SHROOM3: variants seen among roughly 807,000 people sequenced by gnomAD.
The protein encoded by SHROOM3 is protein Shroom3.
Under a neutral mutation model 138.6 loss-of-function variants are expected in SHROOM3, and 47 were observed. The observed-to-expected ratio is 0.34, with a 90% CI of 0.27 to 0.43. The LOEUF (loss-of-function observed/expected upper bound fraction) is 0.43. Among genes scored for constraint, SHROOM3 ranks in the 20% least tolerant of loss-of-function variants. The pLI, the probability that SHROOM3 is intolerant of heterozygous loss-of-function variation, is 1.00. For missense variants in SHROOM3, 2,491 were observed against 2,596.5 expected (o/e 0.96, Z 0.88); for synonymous variants, 1,062 against 1,063.3 (o/e 1.00, Z 0.02).
chr4:76,584,642 G>A (rs1167094635), intron 2 of SHROOM3, among the ~76,000 whole-genome samples: 3 of 152,160 alleles, frequency 2.0e-5, no homozygotes, highest in East Asian at 1.9e-4. Flanking sequence ...TCGTCATTCC[G>A]CATAGTGGAG....
rs188453406 is a variant in SHROOM3 at position 76,607,141 on chromosome 4, T to C, written c.323+51378T>C. 2.4e-3 allele frequency among the ~76,000 whole-genome samples: 370 copies of C among 152,332 alleles called. 2 individuals carry two copies. Among genetic ancestry groups the C allele is most frequent in the African/African-American group, 8.2e-3 (341 of 41,568 alleles). On this transcript the variant is annotated intron_variant, in intron 2 of 10. Coordinates refer to ENST00000296043, the MANE Select transcript of SHROOM3 (RefSeq NM_020859.4). ...ATACTCATCATTTCCTCCAGTTTTATTGACTAAAAGCATCAGTTGCAACAT... is the reference window on the plus strand; with the variant it reads ...ATACTCATCATTTCCTCCAGTTTTACTGACTAAAAGCATCAGTTGCAACAT...
At chr4:76,617,129 A>T (rs1327020831) in intron 2 of SHROOM3, among the ~76,000 whole-genome samples, 1 of 152,224 alleles carries the variant, frequency 6.6e-6, no homozygotes, top group Non-Finnish European at 1.5e-5. Context: ...CCAGGGCCAG[A>T]ATCCTGGGTT....
At chr4:76,546,126 AG>A (rs112177687) in intron 1 of SHROOM3, among the ~76,000 whole-genome samples, 7,784 of 152,312 alleles carry the variant, frequency 0.051, 688 homozygotes, top group African/African-American at 0.18. Context: ...TTCACTTGTC[AG>A]GGTGGTCTTA....
chr4:76,636,090 C>A (rs891679352), intron 2 of SHROOM3, among the ~76,000 whole-genome samples: 3 of 152,214 alleles, frequency 2.0e-5, no homozygotes, highest in African/African-American at 7.2e-5. Flanking sequence ...TGCTTCTTCA[C>A]GTCTGAGTAC....
intron 1 of SHROOM3, among the ~76,000 whole-genome samples, chr4:76,462,695 TCTCTCCCTCTCC>T (rs1161059508): frequency 1.3e-5 from 2 of 148,276 alleles, no homozygotes; most frequent in East Asian, 2.0e-4. Flanking sequence ...TCTCCCTCTC[TCTCTCCCTCTCC>T]CTCTCCCTCT....
rs766823574 is a variant in SHROOM3 at position 76,740,131 on chromosome 4, G to A, written c.1958G>A (p.Gly653Asp). The A allele has an allele frequency of 6.2e-7, 1 of 1,613,826 alleles. No homozygotes were observed. Among genetic ancestry groups the A allele is most frequent in the South Asian group, 1.1e-5 (1 of 91,090 alleles). Residue 653 changes from glycine to aspartate, a missense_variant, in exon 5 of 11, where the codon GGC becomes GAC. By Grantham distance (94) the Gly-to-Asp change is moderately conservative. Coordinates refer to ENST00000296043, the MANE Select transcript of SHROOM3 (RefSeq NM_020859.4). The surrounding 1 kb of genome is among the most constrained non-coding windows in gnomAD (Gnocchi z 4.0). ...GAAGGCCTAGGCCAGAGCCTGTCAG[G>A]CAACTTTGGCAAGACCAAGTCAGCC... ...EREGLGQSLSGNFGKTKSAFS... is the reference protein window; with the variant it reads ...EREGLGQSLSDNFGKTKSAFS...
At chr4:76,467,101 G>A (rs1042549661) in intron 1 of SHROOM3, among the ~76,000 whole-genome samples, 4 of 150,500 alleles carry the variant, frequency 2.7e-5, no homozygotes, top group African/African-American at 7.3e-5. Context: ...GGAGTGTGGT[G>A]ACTCAATCAC....
chr4:76,518,460 C>T (rs551931407), intron 1 of SHROOM3, among the ~76,000 whole-genome samples: 196 of 151,976 alleles, frequency 1.3e-3, no homozygotes, highest in African/African-American at 4.6e-3. Flanking sequence ...TCTTTCCCCT[C>T]CCCCCTCCTT....
At chr4:76,776,918 T>C (rs897612449) in intron 10 of SHROOM3, among the ~76,000 whole-genome samples, 2 of 152,198 alleles carry the variant, frequency 1.3e-5, no homozygotes, top group Admixed American at 1.3e-4. Flanking sequence ...AGTATTTGGC[T>C]TTATTTCTGG....
intron 1 of SHROOM3, among the ~76,000 whole-genome samples, chr4:76,555,174 G>A (rs941168520): frequency 7.9e-5 from 12 of 151,936 alleles, no homozygotes; most frequent in South Asian, 2.1e-4. Flanking sequence ...AAAACCATCC[G>A]CCCACACCCC....
At chr4:76,566,596 C>G (rs1733730516) in intron 2 of SHROOM3, among the ~76,000 whole-genome samples, 1 of 152,136 alleles carries the variant, frequency 6.6e-6, no homozygotes, top group South Asian at 2.1e-4. Flanking sequence ...TTGTCCTGTT[C>G]TGTTTTTCTG....
At position 76,730,957 on chromosome 4, in the gene SHROOM3, T is replaced by C. The variant is rs747491388; in HGVS notation, c.587+22T>C. 4 of 1,613,864 alleles carry C rather than the reference T, an allele frequency of 2.5e-6. No individual in the cohort carries two copies. The Admixed American group carries it at 5.0e-5, about 20-fold the overall frequency. On this transcript the variant is annotated intron_variant, in intron 4 of 10. Transcript: ENST00000296043. ...CCAGGTAAGTGGCTATAGCTGAGAC[T>C]GAAGGGTTTCTTTCTTTCTAATGTC...
intron 2 of SHROOM3, chr4:76,689,681 G>T (rs1306379172): frequency 1.0e-6 from 1 of 985,346 alleles, no homozygotes; most frequent in Non-Finnish European, 1.2e-6. Context: ...CGGGGGCGGC[G>T]GCCGCGAGGC....
chr4:76,503,526 T>C (rs1397417867), intron 1 of SHROOM3, among the ~76,000 whole-genome samples: 1 of 152,110 alleles, frequency 6.6e-6, no homozygotes, highest in Non-Finnish European at 1.5e-5. Flanking sequence ...CCTCCCAGGT[T>C]CAAACAATTC....
At chr4:76,763,490 G>A (rs1326545578) in intron 9 of SHROOM3, among the ~76,000 whole-genome samples, 4 of 152,122 alleles carry the variant, frequency 2.6e-5, no homozygotes, top group Admixed American at 6.5e-5. Flanking sequence ...GCTTGAGCCC[G>A]ACAGGCAGAG....
chr4:76,565,696 G>T (rs1028750377), intron 2 of SHROOM3, among the ~76,000 whole-genome samples: 1 of 151,958 alleles, frequency 6.6e-6, no homozygotes, highest in African/African-American at 2.4e-5. Context: ...GCCCAGACTG[G>T]TCTCAAATGA....
intron 2 of SHROOM3, among the ~76,000 whole-genome samples, chr4:76,706,500 C>T (rs1167080717): frequency 1.3e-5 from 2 of 152,102 alleles, no homozygotes; most frequent in Non-Finnish European, 2.9e-5. Flanking sequence ...TCACAAAGGT[C>T]TTCATTCTCA....
intron 1 of SHROOM3, among the ~76,000 whole-genome samples, chr4:76,490,643 T>C (rs1168462025): frequency 6.6e-6 from 1 of 152,132 alleles, no homozygotes; most frequent in Admixed American, 6.5e-5. Flanking sequence ...CAGCCTTAGG[T>C]TCCCTGCCTC....
At chr4:76,679,082 G>A (rs540593741) in intron 2 of SHROOM3, among the ~76,000 whole-genome samples, 2 of 152,226 alleles carry the variant, frequency 1.3e-5, no homozygotes, top group African/African-American at 4.8e-5. Context: ...CAATAAATAA[G>A]TGATAAGTTT....
Sources: gnomAD v4.1 joint callset for allele counts (sites outside exome capture counted in the v4.1 genomes callset) on GRCh38, gnomAD v4.1.1 for gene constraint, Gnocchi (gnomAD v3.1) non-coding constraint, MANE v1.5 for transcripts, NCBI Gene and HGNC (gene_info 2026-07-23, HGNC 2026-07-21) for gene names.